SAMMSON: variants seen among roughly 807,000 people sequenced by gnomAD.
The protein encoded by SAMMSON is long intergenic non-protein coding RNA 1212.
Position 70,345,515 on chromosome 3 carries a change from A to G in SAMMSON, n.740-8660A>G, listed in dbSNP as rs1413067335. On this transcript the variant is annotated intron_variant and non_coding_transcript_variant, in intron 7 of 9. Coordinates refer to ENST00000642114, the Ensembl canonical transcript of SAMMSON. ...CTAAATAATTTTTTAAATTTCATAC[A>G]TTAAAGCTCACTCTTTGTGCTGTAA... 2.6e-5 allele frequency among the ~76,000 whole-genome samples: 4 copies of G among 152,308 alleles called. No individual in the cohort carries two copies. In the East Asian group the frequency reaches 5.8e-4, roughly 22 times the overall value.
chr3:70,202,303 C>T (rs1559533915), intron 4 of SAMMSON, among the ~76,000 whole-genome samples: 1 of 151,968 alleles, frequency 6.6e-6, no homozygotes, highest in South Asian at 2.1e-4. Context: ...GTAACTAGTG[C>T]TCTATCTGAT....
intron 1 of SAMMSON, among the ~76,000 whole-genome samples, chr3:70,002,311 A>C (rs1270797981): frequency 2.0e-5 from 3 of 152,222 alleles, no homozygotes; most frequent in Admixed American, 6.5e-5. Flanking sequence ...CCCCCATATA[A>C]GAATAACAAC....
At chr3:70,356,818 C>T (rs1015944164) in intron 8 of SAMMSON, among the ~76,000 whole-genome samples, 18 of 152,070 alleles carry the variant, frequency 1.2e-4, no homozygotes, top group Non-Finnish European at 2.6e-4. Flanking sequence ...CACATAGCTA[C>T]CTTTATTGAT....
At chr3:70,040,827 A>C (rs994175260) in intron 3 of SAMMSON, among the ~76,000 whole-genome samples, 4 of 152,134 alleles carry the variant, frequency 2.6e-5, no homozygotes, top group Non-Finnish European at 5.9e-5. Context: ...TGTATGCCAT[A>C]ATCAGGATGC....
rs750451916 is a variant in SAMMSON at position 70,126,333 on chromosome 3, A to G, written n.507+54768A>G. ...TTGCTCTTTTGCAAATTCAAAGACT[A>G]AAGTATGACCTAAAAGTTTCAGCTG... On this transcript the variant is annotated intron_variant and non_coding_transcript_variant, in intron 4 of 9. Transcript: ENST00000642114. 13 of 1,188,848 alleles carry G rather than the reference A, an allele frequency of 1.1e-5. No individual in the cohort carries two copies. The Admixed American group carries it at 1.6e-4, about 15-fold the overall frequency. 73.6% of individuals were successfully genotyped at this position (1,188,848 alleles called of 1,614,324 possible).
chr3:70,016,216 C>T (rs1225705293), intron 3 of SAMMSON, among the ~76,000 whole-genome samples: 2 of 152,168 alleles, frequency 1.3e-5, no homozygotes, highest in Non-Finnish European at 2.9e-5. Context: ...CACATCCTCT[C>T]CAGCACCTGT....
intron 1 of SAMMSON, among the ~76,000 whole-genome samples, chr3:70,011,604 C>CTT (rs78695967): frequency 4.5e-5 from 6 of 134,794 alleles, no homozygotes; most frequent in South Asian, 2.5e-4. Context: ...GAAGAGTTTA[C>CTT]TTTTTTTTTT....
chr3:70,115,223 A>AG lies in SAMMSON; in HGVS notation n.507+43658_507+43659insG, dbSNP rs1553715797. 9.5e-4 allele frequency among the ~76,000 whole-genome samples: 144 copies of AG among 151,084 alleles called. 2 individuals carry two copies. Among genetic ancestry groups the AG allele is most frequent in the South Asian group, 6.2e-4 (3 of 4,810 alleles). On this transcript the variant is annotated intron_variant and non_coding_transcript_variant, in intron 4 of 9. Coordinates refer to ENST00000642114, the Ensembl canonical transcript of SAMMSON. ...ATCTCTATTTTCCAAAAAAAAAAAA[A>AG]AAAGAAAGAAAGAAAAAAAGCAGAA...
intron 9 of SAMMSON, among the ~76,000 whole-genome samples, chr3:70,359,755 AATTAG>A (rs1702858154): frequency 5.9e-5 from 9 of 152,022 alleles, no homozygotes; most frequent in Admixed American, 5.9e-4. Context: ...TTTTCTACTT[AATTAG>A]ATTATTTTTT....
At chr3:70,308,726 A>G (rs1702426314) in intron 7 of SAMMSON, among the ~76,000 whole-genome samples, 1 of 152,182 alleles carries the variant, frequency 6.6e-6, no homozygotes, top group Non-Finnish European at 1.5e-5. Flanking sequence ...TCTCCAATTA[A>G]TAACACTGAA....
intron 4 of SAMMSON, among the ~76,000 whole-genome samples, chr3:70,112,889 G>T (rs924763634): frequency 6.6e-6 from 1 of 152,076 alleles, no homozygotes; most frequent in African/African-American, 2.4e-5. Flanking sequence ...TTCGAATGAG[G>T]TCACTAAAAC....
At chr3:70,400,822 C>T (rs1701134095) in intron 2 of SAMMSON, among the ~76,000 whole-genome samples, 1 of 152,074 alleles carries the variant, frequency 6.6e-6, no homozygotes, top group South Asian at 2.1e-4. Flanking sequence ...ATTCCAGCTA[C>T]TCAGGAGGCT....
chr3:70,126,381 A>G (rs2067459081), intron 4 of SAMMSON: 12 of 927,462 alleles, frequency 1.3e-5, no homozygotes, highest in African/African-American at 3.3e-5. Context: ...CAATGCCTTT[A>G]TAGCTGCTTT....
intron 4 of SAMMSON, among the ~76,000 whole-genome samples, chr3:70,124,497 T>C (rs935402452): frequency 6.6e-6 from 1 of 152,132 alleles, no homozygotes; most frequent in African/African-American, 2.4e-5. Flanking sequence ...ATGTAAGCAT[T>C]CTTTTATTAT....
At chr3:70,068,374 G>A (rs1304230950) in intron 3 of SAMMSON, 1 of 152,082 alleles carries the variant, frequency 6.6e-6, no homozygotes, top group Non-Finnish European at 1.5e-5. Flanking sequence ...GAGGTTTACA[G>A]TGGAATTTCT....
At chr3:70,056,152 A>G (rs371064875) in intron 3 of SAMMSON, among the ~76,000 whole-genome samples, 3 of 152,150 alleles carry the variant, frequency 2.0e-5, no homozygotes, top group Non-Finnish European at 2.9e-5. Flanking sequence ...TCAAAGTTAG[A>G]GACAAAGGGC....
intron 4 of SAMMSON, among the ~76,000 whole-genome samples, chr3:70,192,467 A>T (rs1351266491): frequency 1.3e-5 from 2 of 152,150 alleles, no homozygotes; most frequent in African/African-American, 4.8e-5. Context: ...AATGCCATGG[A>T]GGTGATCTTT....
chr3:70,199,200 C>A (rs1701210607), intron 4 of SAMMSON, among the ~76,000 whole-genome samples: 2 of 152,186 alleles, frequency 1.3e-5, no homozygotes, highest in South Asian at 2.1e-4. Context: ...ATGCAGGTGA[C>A]CTTAAGGATT....
intron 4 of SAMMSON, among the ~76,000 whole-genome samples, chr3:70,246,340 T>C (rs187762112): frequency 1.4e-4 from 22 of 152,230 alleles, no homozygotes; most frequent in African/African-American, 4.6e-4. Flanking sequence ...AAAGAAACTG[T>C]CTAAGTCTAA....
Sources: gnomAD v4.1 joint callset for allele counts (sites outside exome capture counted in the v4.1 genomes callset) on GRCh38, gnomAD v4.1.1 for gene constraint, MANE v1.5 for transcripts, NCBI Gene and HGNC (gene_info 2026-07-23, HGNC 2026-07-21) for gene names.